SGCD: variants seen among roughly 807,000 people sequenced by gnomAD.
SGCD encodes sarcoglycan delta.
SGCD carries 18 observed loss-of-function variants against 36.6 expected under a neutral mutation model. That is an observed-to-expected ratio of 0.49 (90% CI 0.34 to 0.73). The LOEUF is 0.73. Ranked by LOEUF, SGCD falls within the 30% of genes least tolerant of loss-of-function variation. The probability of loss-of-function intolerance (pLI) is 0.01; values close to 1 mark genes in which losing one functional copy is unlikely to be tolerated. For synonymous variants in SGCD, 133 were observed against 130.6 expected (o/e 1.02, Z -0.12); for missense variants, 387 against 346.7 (o/e 1.12, Z -0.92).
intron 3 of SGCD, among the ~76,000 whole-genome samples, chr5:156,393,522 G>A (rs1391618720): frequency 6.6e-6 from 1 of 152,186 alleles, no homozygotes. Context: ...CTGTGATTTA[G>A]TTTATTGTAT....
chr5:156,668,839 G>A (rs1355520715), intron 7 of SGCD, among the ~76,000 whole-genome samples: 1 of 152,162 alleles, frequency 6.6e-6, no homozygotes, highest in Non-Finnish European at 1.5e-5. Context: ...TCATGGAGGA[G>A]GGAAGCCAGT....
At chr5:156,124,460 GT>G (rs1481418698) in intron 3 of SGCD, among the ~76,000 whole-genome samples, 2 of 152,194 alleles carry the variant, frequency 1.3e-5, no homozygotes, top group Non-Finnish European at 2.9e-5. Context: ...ATTCCTTAAG[GT>G]CTTTAGGGGA....
intron 1 of SGCD, among the ~76,000 whole-genome samples, chr5:156,075,483 T>G (rs1760750429): frequency 6.6e-6 from 1 of 152,234 alleles, no homozygotes. Context: ...TTTCAACATT[T>G]GGGATTTGGA....
chr5:156,062,082 C>T (rs796684444), intron 1 of SGCD, among the ~76,000 whole-genome samples: 1 of 77,898 alleles, frequency 1.3e-5, no homozygotes, highest in Non-Finnish European at 2.3e-5. Context: ...TCCCTCCCCC[C>T]TCCCCCGACC....
chr5:156,574,146 G>A (rs1218040869), intron 4 of SGCD, among the ~76,000 whole-genome samples: 2 of 152,178 alleles, frequency 1.3e-5, no homozygotes, highest in African/African-American at 4.8e-5. Context: ...TGGGGAAATG[G>A]AGATACAGCA....
chr5:156,234,180 C>T (rs2127652751), intron 3 of SGCD, among the ~76,000 whole-genome samples: 1 of 152,156 alleles, frequency 6.6e-6, no homozygotes, highest in South Asian at 2.1e-4. Flanking sequence ...TGTATGTCTT[C>T]TTTGGTGAGA....
chr5:155,800,643 T>C, the SGCD span, among the ~76,000 whole-genome samples: 2 of 152,144 alleles, frequency 1.3e-5, no homozygotes, highest in Non-Finnish European at 2.9e-5. Flanking sequence ...TGGAGTTGTG[T>C]CTTTTTTCAT....
chr5:155,899,672 AC>A (rs2050954505), intron 1 of SGCD, among the ~76,000 whole-genome samples: 1 of 151,958 alleles, frequency 6.6e-6, no homozygotes, highest in South Asian at 2.1e-4. Context: ...ACCACCCCCC[AC>A]CCCATCACAA....
intron 6 of SGCD, among the ~76,000 whole-genome samples, chr5:156,605,618 C>G (rs923751468): frequency 6.6e-6 from 1 of 152,202 alleles, no homozygotes; most frequent in Non-Finnish European, 1.5e-5. Flanking sequence ...CCTGAGGAAT[C>G]GCCACACTGA....
At chr5:155,817,961 T>A in the SGCD span, among the ~76,000 whole-genome samples, 1 of 152,206 alleles carries the variant, frequency 6.6e-6, no homozygotes, top group Admixed American at 6.5e-5. Flanking sequence ...TTTAGAATAA[T>A]GACACTATAA....
intron 3 of SGCD, among the ~76,000 whole-genome samples, chr5:156,507,064 G>C (rs1048191739): frequency 2.6e-5 from 4 of 152,040 alleles, no homozygotes; most frequent in African/African-American, 7.2e-5. Flanking sequence ...AAAAAATTGC[G>C]CCTCACTCCA....
chr5:156,647,478 G>T lies in SGCD; in HGVS notation c.517G>T (p.Val173Leu), dbSNP rs1307746243. Residue 173 changes from valine to leucine, a missense_variant, in exon 7 of 9, where the codon GTG becomes TTG. Coordinates refer to ENST00000337851, the MANE Select transcript of SGCD (RefSeq NM_000337.6). ...TTTGTTTACAGGAGCGGAGGGCACA[G>T]TGTTCCCTAAATCTATAGAAACACC... is the stretch of plus-strand genomic sequence containing the variant. ...RLRVLGAEGT[V>L]FPKSIETPNV... 1.3e-6 allele frequency: 2 copies of T among 1,584,688 alleles called. No individual in the cohort carries two copies. The highest frequency in any genetic ancestry group is 3.6e-5 in the Admixed American group (2 of 56,212).
the SGCD span, among the ~76,000 whole-genome samples, chr5:155,864,397 T>C: frequency 6.6e-6 from 1 of 152,074 alleles, no homozygotes; most frequent in Non-Finnish European, 1.5e-5. Flanking sequence ...GCTACTGAAC[T>C]GAAAATGAGC....
At chr5:156,431,245 A>C (rs896628196) in intron 3 of SGCD, among the ~76,000 whole-genome samples, 1 of 152,140 alleles carries the variant, frequency 6.6e-6, no homozygotes, top group African/African-American at 2.4e-5. Flanking sequence ...TGATGTTCCA[A>C]GTAGGGAGGG....
chr5:156,379,897 A>G (rs112690413), intron 3 of SGCD, among the ~76,000 whole-genome samples: 405 of 152,320 alleles, frequency 2.7e-3, no homozygotes, highest in African/African-American at 9.3e-3. Context: ...CTCTTAGGAA[A>G]AAAGAAAAAG....
At chr5:156,529,905 T>TAAAACCTCTA (rs1757814971) in intron 4 of SGCD, among the ~76,000 whole-genome samples, 2 of 152,228 alleles carry the variant, frequency 1.3e-5, no homozygotes, top group African/African-American at 2.4e-5. Flanking sequence ...TTATTAGCAA[T>TAAAACCTCTA]GATTCTTCCT....
intron 4 of SGCD, among the ~76,000 whole-genome samples, chr5:156,567,352 G>A (rs971380770): frequency 1.4e-5 from 2 of 146,892 alleles, no homozygotes; most frequent in African/African-American, 5.0e-5. Flanking sequence ...AGTGAGGCAG[G>A]GAGGGAGGGA....
At chr5:155,928,036 A>G (rs1757027136) in intron 1 of SGCD, among the ~76,000 whole-genome samples, 1 of 152,250 alleles carries the variant, frequency 6.6e-6, no homozygotes. Flanking sequence ...GCAGCATTAT[A>G]GAATGAAATC....
the SGCD span, among the ~76,000 whole-genome samples, chr5:155,789,530 C>T: frequency 6.6e-6 from 1 of 151,944 alleles, no homozygotes; most frequent in Non-Finnish European, 1.5e-5. Context: ...CCCTGATGAA[C>T]CTGCTTTAAT....
Sources: gnomAD v4.1 joint callset for allele counts (sites outside exome capture counted in the v4.1 genomes callset) on GRCh38, gnomAD v4.1.1 for gene constraint, MANE v1.5 for transcripts, NCBI Gene and HGNC (gene_info 2026-07-23, HGNC 2026-07-21) for gene names.